Variants in DOCK3 observed in about 807,000 individuals in gnomAD.
The protein encoded by DOCK3 is dedicator of cytokinesis protein 3.
A neutral mutation model predicts 265.6 loss-of-function variants in DOCK3; 60 were observed. That is an observed-to-expected ratio of 0.23 (90% CI 0.18 to 0.28). DOCK3 has a LOEUF of 0.28. Ranked by LOEUF, DOCK3 falls within the 10% of genes least tolerant of loss-of-function variation. DOCK3 has a pLI of 1.00. For synonymous variants in DOCK3, 881 were observed against 938.0 expected (o/e 0.94, Z 1.11); for missense variants, 1,981 against 2,594.3 (o/e 0.76, Z 5.14).
intron 1 of DOCK3, among the ~76,000 whole-genome samples, chr3:50,713,220 A>G (rs765161305): frequency 2.6e-5 from 4 of 152,180 alleles, no homozygotes; most frequent in Admixed American, 6.5e-5. Flanking sequence ...GCTTAAAACC[A>G]TTTGTGGTTC....
chr3:51,251,738 T>C (rs2079253893), intron 22 of DOCK3, among the ~76,000 whole-genome samples: 1 of 152,210 alleles, frequency 6.6e-6, no homozygotes, highest in Non-Finnish European at 1.5e-5. Context: ...TTTGTTTAAG[T>C]TCTTTGTAGA....
At chr3:50,711,100 A>G (rs985977217) in intron 1 of DOCK3, among the ~76,000 whole-genome samples, 3 of 152,216 alleles carry the variant, frequency 2.0e-5, no homozygotes, top group Non-Finnish European at 4.4e-5. Flanking sequence ...CCCAAAAACT[A>G]TTGAAATAAA....
chr3:50,849,235 A>C (rs528982265), intron 3 of DOCK3, among the ~76,000 whole-genome samples: 3 of 151,932 alleles, frequency 2.0e-5, no homozygotes, highest in Admixed American at 6.6e-5. Context: ...GGGTCTTGCC[A>C]CATTACTAGA....
chr3:51,114,143 T>C (rs1166798816), intron 9 of DOCK3, among the ~76,000 whole-genome samples: 2 of 151,382 alleles, frequency 1.3e-5, no homozygotes, highest in Non-Finnish European at 2.9e-5. Context: ...ATTGGAATGG[T>C]AGATATATAG....
chr3:50,868,444 C>A (rs2047252367), intron 3 of DOCK3, among the ~76,000 whole-genome samples: 1 of 152,084 alleles, frequency 6.6e-6, no homozygotes, highest in African/African-American at 2.4e-5. Context: ...ATGTTTATGG[C>A]TTACTTCAGC....
At chr3:50,700,386 G>A (rs938100550) in intron 1 of DOCK3, among the ~76,000 whole-genome samples, 3 of 152,106 alleles carry the variant, frequency 2.0e-5, no homozygotes, top group African/African-American at 7.2e-5. Flanking sequence ...TATTTCTTCC[G>A]TCTAGCTATA....
intron 25 of DOCK3, 44 bp downstream of exon 25, chr3:51,275,250 G>C: frequency 6.2e-7 from 1 of 1,610,644 alleles, no homozygotes; most frequent in African/African-American, 1.3e-5. Flanking sequence ...CTCTTCCCTA[G>C]TCTTGTGTTA....
rs371478807 is a variant in DOCK3 at position 50,795,017 on chromosome 3, G to A, written c.121+16259G>A. 3.3e-5 allele frequency among the ~76,000 whole-genome samples: 5 copies of A among 152,114 alleles called. No homozygotes were observed. The East Asian group carries it at 5.8e-4, about 18-fold the overall frequency. ...CAGTTTGGCCAGCTATGAATTCTGG[G>A]TTTGAATCTCTCTTTTTTTTTTAAA... On this transcript the variant is annotated intron_variant, in intron 2 of 52. Transcript: ENST00000266037.
At chr3:51,075,476 T>C in intron 7 of DOCK3, 36 bp downstream of exon 7, 1 of 1,482,748 alleles carries the variant, frequency 6.7e-7, no homozygotes, top group Non-Finnish European at 9.1e-7. Context: ...TGTTCCTGCA[T>C]ACCTCATTTT....
chr3:51,135,103 G>C (rs2084734871), intron 9 of DOCK3, among the ~76,000 whole-genome samples: 1 of 152,160 alleles, frequency 6.6e-6, no homozygotes, highest in Admixed American at 6.5e-5. Context: ...TCAGACATGG[G>C]TTTTTAGCTG....
rs2087904916 is a variant in DOCK3, at chr3:51,374,174, C to T, written c.5294-295C>T. Among the ~76,000 whole-genome samples the T allele has an allele frequency of 1.3e-5, 2 of 152,328 alleles. No individual in the cohort carries two copies. The highest frequency in any genetic ancestry group is 1.5e-5 in the Non-Finnish European group (1 of 68,032). ...TTGATGCAGGGAGCCCCTAGCCACCCTGCTCCAGTTCTTAACTCTCCTCAC... is the reference window on the plus strand; with the variant it reads ...TTGATGCAGGGAGCCCCTAGCCACCTTGCTCCAGTTCTTAACTCTCCTCAC... On this transcript the variant is annotated intron_variant, in intron 49 of 52. Transcript: ENST00000266037. The surrounding 1 kb of genome is among the most constrained non-coding windows in gnomAD (Gnocchi z 4.8).
chr3:50,916,865 A>G (rs867777383), intron 4 of DOCK3, among the ~76,000 whole-genome samples: 43 of 150,042 alleles, frequency 2.9e-4, no homozygotes, highest in Middle Eastern at 6.8e-3. Flanking sequence ...AAAAAAAAAA[A>G]GTAGTTGTCT....
rs182971228 is a variant in DOCK3 at position 50,994,355 on chromosome 3, T to G, written c.315+60278T>G. Reference sequence around the variant, plus strand: ...TACTTCTCACAGTCATCCTGTGAGATAAGTATTGTTAGTATCTTCAGCTTT... The same window carrying G: ...TACTTCTCACAGTCATCCTGTGAGAGAAGTATTGTTAGTATCTTCAGCTTT... On this transcript the variant is annotated intron_variant, in intron 5 of 52. Transcript: ENST00000266037. Among the ~76,000 whole-genome samples, 169 of 152,346 alleles carry G rather than the reference T, an allele frequency of 1.1e-3. 1 individual carries two copies. Among genetic ancestry groups the G allele is most frequent in the Admixed American group, 2.0e-3 (30 of 15,302 alleles).
intron 2 of DOCK3, among the ~76,000 whole-genome samples, chr3:50,816,260 A>AT (rs910532867): frequency 2.7e-4 from 35 of 131,954 alleles, no homozygotes; most frequent in African/African-American, 8.3e-4. Context: ...CCATTCTCAG[A>AT]TTTTTTTTTC....
intron 3 of DOCK3, among the ~76,000 whole-genome samples, chr3:50,882,261 C>T (rs1164865734): frequency 6.6e-6 from 1 of 152,148 alleles, no homozygotes; most frequent in Admixed American, 6.5e-5. Flanking sequence ...CCAAAATAGA[C>T]AAATGGGATC....
chr3:51,329,057 G>A (rs1424025488), intron 32 of DOCK3, among the ~76,000 whole-genome samples: 3 of 152,188 alleles, frequency 2.0e-5, no homozygotes, highest in African/African-American at 7.2e-5. Flanking sequence ...GGAGGCTGAG[G>A]CAGGAGAATC....
chr3:50,844,609 A>G (rs1476417502), intron 3 of DOCK3, among the ~76,000 whole-genome samples: 2 of 152,130 alleles, frequency 1.3e-5, no homozygotes, highest in South Asian at 2.1e-4. Context: ...TGTTCCCTGT[A>G]TTATTTTGTA....
At chr3:51,085,358 A>G (rs752222213) in intron 7 of DOCK3, among the ~76,000 whole-genome samples, 2 of 152,202 alleles carry the variant, frequency 1.3e-5, no homozygotes, top group African/African-American at 4.8e-5. Context: ...ATTCAACAGT[A>G]TAGAGCACAT....
rs1250629806 is a variant in DOCK3 at position 50,742,775 on chromosome 3, G to A, written c.38-35900G>A. ...GAACCAAGTTGGAAAACACTCTGCAGGATATTATCTAGGAGAACTTCCCCA... is the reference window on the plus strand; with the variant it reads ...GAACCAAGTTGGAAAACACTCTGCAAGATATTATCTAGGAGAACTTCCCCA... On this transcript the variant is annotated intron_variant, in intron 1 of 52. Coordinates refer to ENST00000266037, the MANE Select transcript of DOCK3 (RefSeq NM_004947.5). Among the ~76,000 whole-genome samples the A allele has an allele frequency of 8.6e-3, 1,316 of 152,294 alleles. 23 individuals are homozygous for A. Among genetic ancestry groups the A allele is most frequent in the African/African-American group, 0.03 (1,256 of 41,546 alleles).
Sources: allele counts gnomAD v4.1 joint callset (sites outside exome capture counted in the v4.1 genomes callset), GRCh38; gene constraint gnomAD v4.1.1; non-coding constraint Gnocchi (gnomAD v3.1); transcripts MANE v1.5; gene names NCBI Gene and HGNC (gene_info 2026-07-23, HGNC 2026-07-21).